The following TMEM263 variants were observed in gnomAD, a reference collection of about 807,000 sequenced individuals.
TMEM263 encodes transmembrane protein 263, also known as UPF0444 transmembrane protein C12orf23.
A neutral mutation model predicts 8.6 loss-of-function variants in TMEM263; 5 were observed. That is an observed-to-expected ratio of 0.58 (90% CI 0.31 to 1.23). The LOEUF (loss-of-function observed/expected upper bound fraction) is 1.23. Among genes scored for constraint, TMEM263 ranks in the 50% most tolerant of loss-of-function variants. The probability of loss-of-function intolerance (pLI) is 0.07; values close to 1 mark genes in which losing one functional copy is unlikely to be tolerated. For synonymous variants in TMEM263, 50 were observed against 47.9 expected, an observed-to-expected ratio of 1.04 and a Z score of -0.18; for missense variants, 104 against 138.8, an observed-to-expected ratio of 0.75 and a Z score of 1.26.
At chr12:106,967,405 C>A in intron 3 of TMEM263, 1 of 357,158 alleles carries the variant, frequency 2.8e-6, no homozygotes. Context: ...ATTACAGGTA[C>A]CTGCCACCAC....
At position 106,971,166 on chromosome 12, in the gene TMEM263, C is replaced by A; in HGVS notation, c.126C>A (p.Ile42=). ...PGMLSRVTGG[I]FSVTKGAVGA... is the part of the protein sequence containing the mutation. Reference sequence around the variant, plus strand: ...TGTTGTCCCGTGTGACTGGGGGTATCTTCAGTGTTACAAAGGGAGCTGTTG... The same window carrying A: ...TGTTGTCCCGTGTGACTGGGGGTATATTCAGTGTTACAAAGGGAGCTGTTG... The change falls in exon 4 of 4, where the codon ATC becomes ATA. Residue 42 remains isoleucine, a synonymous_variant. Transcript: ENST00000280756. 1 of 1,614,218 alleles carries A rather than the reference C, an allele frequency of 6.2e-7. No homozygotes were observed. The highest frequency in any genetic ancestry group is 8.5e-7 in the Non-Finnish European group (1 of 1,180,040).
intron 3 of TMEM263, among the ~76,000 whole-genome samples, chr12:106,967,559 C>G (rs1400831692): frequency 1.3e-5 from 2 of 152,164 alleles, no homozygotes; most frequent in Admixed American, 1.3e-4. Flanking sequence ...CCACTCCCAG[C>G]CCTGATTGTT....
chr12:106,970,424 T>TA (rs1951903779), intron 3 of TMEM263, among the ~76,000 whole-genome samples: 1 of 152,226 alleles, frequency 6.6e-6, no homozygotes, highest in Admixed American at 6.5e-5. Context: ...AGCAAGGTGA[T>TA]ACTGGTTTAT....
chr12:106,966,883 T>C (rs1201883534), intron 2 of TMEM263: 3 of 425,402 alleles, frequency 7.1e-6, no homozygotes, highest in Non-Finnish European at 1.2e-5. Context: ...TGCCACTCTT[T>C]GGTGAGTGTT....
intron 3 of TMEM263, among the ~76,000 whole-genome samples, chr12:106,967,878 A>G (rs1951866705): frequency 6.6e-6 from 1 of 152,146 alleles, no homozygotes; most frequent in African/African-American, 2.4e-5. Context: ...AACTCCTATT[A>G]TTCATTATAT....
At chr12:106,961,336 A>G (rs551403944) in intron 2 of TMEM263, among the ~76,000 whole-genome samples, 144 of 146,446 alleles carry the variant, frequency 9.8e-4, no homozygotes, top group Non-Finnish European at 1.5e-3. Context: ...TCAACCTCCC[A>G]AAGTGCTGGG....
intron 2 of TMEM263, among the ~76,000 whole-genome samples, chr12:106,963,056 A>C (rs1951800351): frequency 6.6e-6 from 1 of 152,202 alleles, no homozygotes; most frequent in East Asian, 1.9e-4. Context: ...TCTTCTGATA[A>C]GGGGACATTT....
chr12:106,967,448 C>T (rs1314089760), intron 3 of TMEM263: 1 of 281,290 alleles, frequency 3.6e-6, no homozygotes, highest in Non-Finnish European at 6.6e-6. Flanking sequence ...TTAGTAGAGA[C>T]AGGGGTTTCA....
Position 106,971,299 on chromosome 12 carries a change from G to C in TMEM263, c.259G>C (p.Val87Leu). ...GGGAATAGGGCTGGTGAAAGGGGGT[G>C]TCTCTGCTGTGGCTGGAGGTGTTAC... ...SMGIGLVKGG[V>L]SAVAGGVTAV... Residue 87 changes from valine to leucine, a missense_variant, in exon 4 of 4, where the codon GTC becomes CTC. Val to Leu is a conservative substitution (Grantham distance 32, BLOSUM62 1). Coordinates refer to ENST00000280756, the MANE Select transcript of TMEM263 (RefSeq NM_152261.4). 6.2e-7 allele frequency: 1 copy of C among 1,614,222 alleles called. No individual in the cohort carries two copies. The highest frequency in any genetic ancestry group is 1.1e-5 in the South Asian group (1 of 91,080).
At position 106,972,331 on chromosome 12, in the gene TMEM263, TA is replaced by T. The variant is rs1951933475; in HGVS notation, c.*944del. ...TAATTTTAAGTTCTTAAAAATTACCTAAAACACCCCAAATATAAAAAGAAGC... is the reference window on the plus strand; with the variant it reads ...TAATTTTAAGTTCTTAAAAATTACCTAAACACCCCAAATATAAAAAGAAGC... On this transcript the variant is annotated 3_prime_UTR_variant, in exon 4 of 4. Transcript: ENST00000280756. 6.6e-6 allele frequency: 1 copy of T among 152,208 alleles called. No individual in the cohort carries two copies. Among genetic ancestry groups the T allele is most frequent in the African/African-American group, 2.4e-5 (1 of 41,462 alleles). 9.4% of individuals were successfully genotyped at this position (152,208 alleles called of 1,614,324 possible). A position where few individuals can be genotyped will look rare whatever the true frequency, so the allele number is the denominator to read the frequency against.
intron 2 of TMEM263, among the ~76,000 whole-genome samples, chr12:106,961,822 T>C (rs1470675980): frequency 6.6e-6 from 1 of 152,196 alleles, no homozygotes; most frequent in South Asian, 2.1e-4. Context: ...TAAGGCTGTT[T>C]GTCAGGATTT....
At chr12:106,959,625 A>G (rs755844667) in intron 2 of TMEM263, among the ~76,000 whole-genome samples, 6 of 152,316 alleles carry the variant, frequency 3.9e-5, no homozygotes, top group African/African-American at 1.2e-4. Context: ...ATTGGGGTCT[A>G]TTTATCTTCA....
rs1951924418 is a variant in TMEM263, at chr12:106,971,747, A to G, written c.*356A>G. ...TTCCATATGTATAATGTGCCAGGTA[A>G]CTCACCTGCCCCTTAAGAAGGGAAC... On this transcript the variant is annotated 3_prime_UTR_variant, in exon 4 of 4. Coordinates refer to ENST00000280756, the MANE Select transcript of TMEM263 (RefSeq NM_152261.4). 1 of 169,322 alleles carries G rather than the reference A, an allele frequency of 5.9e-6. No individual in the cohort carries two copies. Among genetic ancestry groups the G allele is most frequent in the Admixed American group, 6.2e-5 (1 of 16,036 alleles). 10.5% of individuals were successfully genotyped at this position (169,322 alleles called of 1,614,324 possible).
intron 2 of TMEM263, among the ~76,000 whole-genome samples, chr12:106,960,568 C>G (rs184832707): frequency 3.3e-5 from 5 of 152,082 alleles, no homozygotes; most frequent in Non-Finnish European, 7.4e-5. Flanking sequence ...TCACACTCCT[C>G]TACAGAAATA....
At chr12:106,957,442 G>T (rs1193387763) in intron 2 of TMEM263, among the ~76,000 whole-genome samples, 2 of 151,620 alleles carry the variant, frequency 1.3e-5, no homozygotes, top group Admixed American at 6.6e-5. Context: ...TTCTTTGTGT[G>T]TGCATGGGTT....
At chr12:106,964,683 A>G (rs906643591) in intron 2 of TMEM263, among the ~76,000 whole-genome samples, 1 of 152,264 alleles carries the variant, frequency 6.6e-6, no homozygotes, top group African/African-American at 2.4e-5. Flanking sequence ...CAGGATTTTC[A>G]CTAGAGCAAT....
rs2136782306 is a variant in TMEM263, at chr12:106,972,775, T to C, written c.*1384T>C. 6.6e-6 allele frequency: 1 copy of C among 152,224 alleles called. No homozygotes were observed. The highest frequency in any genetic ancestry group is 2.4e-5 in the African/African-American group (1 of 41,568). The allele number at this position is 152,224 out of a possible 1,614,324, so 9.4% of individuals were successfully genotyped here. Reference sequence around the variant, plus strand: ...AATTGGCATATATACTTGGCATTCCTGTCCACCAAGGATTGTAATCCAAGC... The same window carrying C: ...AATTGGCATATATACTTGGCATTCCCGTCCACCAAGGATTGTAATCCAAGC... On this transcript the variant is annotated 3_prime_UTR_variant, in exon 4 of 4. Transcript: ENST00000280756.
rs1035553535 is a variant in TMEM263, at chr12:106,973,587, G to C, written c.*2196G>C. 2 of 152,420 alleles carry C rather than the reference G, an allele frequency of 1.3e-5. No homozygotes were observed. Among genetic ancestry groups the C allele is most frequent in the East Asian group, 1.9e-4 (1 of 5,198 alleles). 9.4% of individuals were successfully genotyped at this position (152,420 alleles called of 1,614,324 possible). A position where few individuals can be genotyped will look rare whatever the true frequency, so the allele number is the denominator to read the frequency against. On this transcript the variant is annotated 3_prime_UTR_variant, in exon 4 of 4. Coordinates refer to ENST00000280756, the MANE Select transcript of TMEM263 (RefSeq NM_152261.4). ...CAGAGGGGCTTTTGCAATGATAGCA[G>C]AAAACTGTACAAATGTACAGTTAGT... is the stretch of plus-strand genomic sequence containing the variant.
rs1166151460 is a variant in TMEM263, at chr12:106,958,308, T to TTATGAATAAAAATTTTATA, written c.-7+1166_-7+1184dup. ...TATGTACTGTTTTTGGAATTTTTTATTATGAATAAAAATTTTATATATGAA... is the reference window on the plus strand; with the variant it reads ...TATGTACTGTTTTTGGAATTTTTTATTATGAATAAAAATTTTATATATGAATAAAAATTTTATATATGAA... On this transcript the variant is annotated intron_variant, in intron 2 of 3. Transcript: ENST00000280756. Among the ~76,000 whole-genome samples, 34 of 152,316 alleles carry TTATGAATAAAAATTTTATA rather than the reference T, an allele frequency of 2.2e-4. 2 individuals carry two copies. In the South Asian group the frequency reaches 6.6e-3, roughly 30 times the overall value.
Sources: gnomAD v4.1 joint callset for allele counts (sites outside exome capture counted in the v4.1 genomes callset) on GRCh38, gnomAD v4.1.1 for gene constraint, MANE v1.5 for transcripts, NCBI Gene and HGNC (gene_info 2026-07-23, HGNC 2026-07-21) for gene names.